Variants in ATG10 observed in about 807,000 individuals in gnomAD.
ATG10 encodes ubiquitin-like-conjugating enzyme ATG10.
A neutral mutation model predicts 32.1 loss-of-function variants in ATG10; 30 were observed. The observed-to-expected ratio is 0.94, with a 90% CI of 0.70 to 1.27. ATG10 has a LOEUF of 1.27. Ranked by LOEUF, ATG10 falls within the 50% of genes most tolerant of loss-of-function variation. The pLI, the probability that ATG10 is intolerant of heterozygous loss-of-function variation, is 0.00. For missense variants in ATG10, 233 were observed against 262.3 expected (o/e 0.89, Z 0.77); for synonymous variants, 87 against 91.5 (o/e 0.95, Z 0.28).
intron 1 of ATG10, among the ~76,000 whole-genome samples, chr5:81,980,710 T>C (rs1761015374): frequency 6.6e-6 from 1 of 152,110 alleles, no homozygotes; most frequent in South Asian, 2.1e-4. Flanking sequence ...GAGCTCATTC[T>C]GTTCCTGCAG....
intron 3 of ATG10, among the ~76,000 whole-genome samples, chr5:82,067,605 A>G (rs2149763039): frequency 6.6e-6 from 1 of 152,228 alleles, no homozygotes. Context: ...TGCAAAATTC[A>G]GAGTGTGTTA....
intron 3 of ATG10, among the ~76,000 whole-genome samples, chr5:82,139,985 A>G (rs1581733098): frequency 8.7e-6 from 1 of 115,134 alleles, no homozygotes; most frequent in Admixed American, 8.3e-5. Flanking sequence ...CAGGGAGGTG[A>G]GGGGCGCCTC....
At chr5:82,192,397 G>A (rs1405747971) in intron 5 of ATG10, among the ~76,000 whole-genome samples, 1 of 152,160 alleles carries the variant, frequency 6.6e-6, no homozygotes, top group African/African-American at 2.4e-5. Flanking sequence ...ATAGATTCTG[G>A]TTTTTGCAAC....
intron 3 of ATG10, among the ~76,000 whole-genome samples, chr5:82,159,431 T>C (rs1230929183): frequency 1.3e-5 from 2 of 152,134 alleles, no homozygotes; most frequent in African/African-American, 2.4e-5. Context: ...CAACAGGAAG[T>C]GTATTGTTGT....
intron 5 of ATG10, among the ~76,000 whole-genome samples, chr5:82,227,514 A>G (rs934202843): frequency 6.6e-6 from 1 of 152,084 alleles, no homozygotes; most frequent in African/African-American, 2.4e-5. Flanking sequence ...AACTGGGACT[A>G]CAGGCGCCTG....
At chr5:82,015,108 G>A (rs1352671078) in intron 2 of ATG10, among the ~76,000 whole-genome samples, 2 of 151,988 alleles carry the variant, frequency 1.3e-5, no homozygotes, top group African/African-American at 4.8e-5. Flanking sequence ...CTGGATATGT[G>A]ATTCTGGGTT....
intron 4 of ATG10, among the ~76,000 whole-genome samples, chr5:82,168,874 G>A (rs1001114680): frequency 6.6e-6 from 1 of 152,178 alleles, no homozygotes; most frequent in Non-Finnish European, 1.5e-5. Flanking sequence ...AGTGCATAGA[G>A]GAGAATGACA....
At position 82,005,904 on chromosome 5, in the gene ATG10, TTC is replaced by T. The variant is rs1449819225; in HGVS notation, c.108+18232_108+18233del. Among the ~76,000 whole-genome samples, 11 of 152,300 alleles carry T rather than the reference TTC, an allele frequency of 7.2e-5. 1 individual carries two copies. Among genetic ancestry groups the T allele is most frequent in the Middle Eastern group, 3.4e-3 (1 of 294 alleles). Reference sequence around the variant, plus strand: ...TCTTTCAGAAGAATTAAAGAGCCTCTTCTCTCTGTTAATCCCTTGTCTCTTCT... The same window carrying T: ...TCTTTCAGAAGAATTAAAGAGCCTCTTCTCTGTTAATCCCTTGTCTCTTCT... On this transcript the variant is annotated intron_variant, in intron 2 of 7. Coordinates refer to ENST00000282185, the MANE Select transcript of ATG10 (RefSeq NM_031482.5).
intron 4 of ATG10, among the ~76,000 whole-genome samples, 153 bp from the exon 5 acceptor site, chr5:82,178,337 G>C (rs1291280864): frequency 6.6e-6 from 1 of 152,164 alleles, no homozygotes; most frequent in Admixed American, 6.6e-5. Flanking sequence ...GAAGAAAATA[G>C]TAATTCATAT....
At chr5:82,030,087 T>C (rs79493982) in intron 2 of ATG10, among the ~76,000 whole-genome samples, 2,503 of 152,246 alleles carry the variant, frequency 0.016, 57 homozygotes, top group African/African-American at 0.056. Flanking sequence ...GCTGTTCTTA[T>C]GGCCTGAGGC....
At chr5:82,230,060 G>A (rs367624844) in intron 5 of ATG10, among the ~76,000 whole-genome samples, 5 of 152,302 alleles carry the variant, frequency 3.3e-5, no homozygotes, top group East Asian at 3.9e-4. Context: ...ACCCCATCCC[G>A]AGCCCTAACC....
intron 2 of ATG10, among the ~76,000 whole-genome samples, chr5:81,999,073 T>G (rs567677227): frequency 1.3e-5 from 2 of 150,196 alleles, no homozygotes; most frequent in Admixed American, 1.3e-4. Context: ...AACAACAGAC[T>G]ATACATTCTT....
chr5:82,109,582 A>G (rs1765548689), intron 3 of ATG10, among the ~76,000 whole-genome samples: 1 of 151,742 alleles, frequency 6.6e-6, no homozygotes, highest in Non-Finnish European at 1.5e-5. Flanking sequence ...TTGATTTTTT[A>G]TGAGAGAAAA....
At chr5:82,200,630 A>G (rs1382454695) in intron 5 of ATG10, among the ~76,000 whole-genome samples, 3 of 150,628 alleles carry the variant, frequency 2.0e-5, no homozygotes, top group African/African-American at 7.3e-5. Flanking sequence ...GATGTGTGCT[A>G]CCACTCTCAG....
chr5:82,217,848 G>A (rs1385848372), intron 5 of ATG10, among the ~76,000 whole-genome samples: 1 of 151,430 alleles, frequency 6.6e-6, no homozygotes, highest in Non-Finnish European at 1.5e-5. Context: ...GTGGTAGTGT[G>A]CACCTGTGGT....
intron 2 of ATG10, among the ~76,000 whole-genome samples, chr5:82,040,908 C>G (rs879561845): frequency 1.3e-5 from 2 of 152,184 alleles, no homozygotes; most frequent in Non-Finnish European, 2.9e-5. Context: ...TGCCACAGGA[C>G]CTTTGCAAAG....
chr5:82,157,676 C>T (rs1767858645), intron 3 of ATG10, among the ~76,000 whole-genome samples: 1 of 152,122 alleles, frequency 6.6e-6, no homozygotes. Flanking sequence ...TATCAGAAGG[C>T]TTCATCAGTC....
chr5:82,062,171 T>G (rs1457838695), intron 3 of ATG10, among the ~76,000 whole-genome samples: 1 of 152,124 alleles, frequency 6.6e-6, no homozygotes, highest in African/African-American at 2.4e-5. Context: ...ATAACATATT[T>G]TTTTTCAACA....
At chr5:82,179,330 T>C (rs1252290702) in intron 5 of ATG10, among the ~76,000 whole-genome samples, 1 of 152,098 alleles carries the variant, frequency 6.6e-6, no homozygotes, top group African/African-American at 2.4e-5. Flanking sequence ...ACTTATCATG[T>C]AGTATGTGCT....
Sources: gnomAD v4.1 joint callset for allele counts (sites outside exome capture counted in the v4.1 genomes callset) on GRCh38, gnomAD v4.1.1 for gene constraint, MANE v1.5 for transcripts, NCBI Gene and HGNC (gene_info 2026-07-23, HGNC 2026-07-21) for gene names.